The following OR2L13 variants were observed in gnomAD, a reference collection of about 807,000 sequenced individuals.
OR2L13 encodes the protein olfactory receptor family 2 subfamily L member 13.
OR2L13 carries 14 observed loss-of-function variants against 15.3 expected under a neutral mutation model. The observed-to-expected ratio is 0.91, with a 90% CI of 0.60 to 1.43. OR2L13 has a LOEUF of 1.43. Among genes scored for constraint, OR2L13 ranks in the 40% most tolerant of loss-of-function variants. OR2L13 has a pLI of 0.00. For synonymous variants in OR2L13, 152 were observed against 142.9 expected (o/e 1.06, Z -0.45); for missense variants, 367 against 387.9 (o/e 0.95, Z 0.45).
At chr1:247,996,532 T>C in the OR2L13 span, among the ~76,000 whole-genome samples, 390 of 152,332 alleles carry the variant, frequency 2.6e-3, 2 homozygotes, top group African/African-American at 8.5e-3. Flanking sequence ...TGCTTTGTAC[T>C]GTAGAAGTGT....
chr1:248,096,830 G>T (rs1664751400), upstream of OR2L13, among the ~76,000 whole-genome samples: 1 of 152,148 alleles, frequency 6.6e-6, no homozygotes, highest in African/African-American at 2.4e-5. Context: ...TTTAGAATGA[G>T]AAAGAAAATA....
At chr1:248,068,384 A>T in the OR2L13 span, among the ~76,000 whole-genome samples, 1 of 152,212 alleles carries the variant, frequency 6.6e-6, no homozygotes, top group East Asian at 1.9e-4. Flanking sequence ...ACCCAGGCAA[A>T]CAGGGTCTGG....
the OR2L13 span, chr1:247,990,944 A>G: frequency 1.1e-5 from 16 of 1,469,424 alleles, no homozygotes; most frequent in African/African-American, 9.8e-5. Flanking sequence ...GCTGTCTACC[A>G]CATGCACTCT....
chr1:248,034,769 ATTG>A, the OR2L13 span, among the ~76,000 whole-genome samples: 1 of 152,056 alleles, frequency 6.6e-6, no homozygotes, highest in African/African-American at 2.4e-5. Flanking sequence ...TCATTTTTAG[ATTG>A]TTTATTGTTA....
chr1:247,989,057 A>C, the OR2L13 span, among the ~76,000 whole-genome samples: 1 of 152,142 alleles, frequency 6.6e-6, no homozygotes, highest in African/African-American at 2.4e-5. Context: ...TGAACTTGGC[A>C]TATAGATATT....
chr1:248,018,246 CTAT>C, the OR2L13 span, among the ~76,000 whole-genome samples: 1 of 152,036 alleles, frequency 6.6e-6, no homozygotes, highest in Non-Finnish European at 1.5e-5. Context: ...GATGTGCCGT[CTAT>C]TATTCTGTCC....
At chr1:248,048,706 C>T in the OR2L13 span, among the ~76,000 whole-genome samples, 13 of 152,170 alleles carry the variant, frequency 8.5e-5, no homozygotes, top group South Asian at 1.0e-3. Context: ...GTGCAAGTAA[C>T]GGAGATCAGT....
the OR2L13 span, among the ~76,000 whole-genome samples, chr1:248,066,484 T>C: frequency 1.3e-5 from 2 of 152,164 alleles, no homozygotes; most frequent in Non-Finnish European, 2.9e-5. Flanking sequence ...ACAGATGAAA[T>C]ATCTTATCAA....
the OR2L13 span, among the ~76,000 whole-genome samples, chr1:248,026,953 G>T: frequency 1.8e-3 from 267 of 152,268 alleles, no homozygotes; most frequent in African/African-American, 6.3e-3. Flanking sequence ...CTTGAAAAAA[G>T]AACAGGATAA....
At chr1:248,060,681 C>CA in the OR2L13 span, 1 of 1,609,106 alleles carries the variant, frequency 6.2e-7, no homozygotes, top group Non-Finnish European at 8.5e-7. Context: ...ACGAATGCCC[C>CA]ATGGAAAATT....
chr1:247,989,021 C>T, the OR2L13 span, among the ~76,000 whole-genome samples: 4 of 151,890 alleles, frequency 2.6e-5, no homozygotes, highest in Non-Finnish European at 5.9e-5. Flanking sequence ...TTGGGGAGAG[C>T]GTGAACAGAG....
At chr1:248,079,705 T>A in the OR2L13 span, among the ~76,000 whole-genome samples, 9 of 152,196 alleles carry the variant, frequency 5.9e-5, no homozygotes, top group Admixed American at 2.0e-4. Flanking sequence ...GCCTTTTCAA[T>A]AAATGATGCT....
At chr1:247,979,163 C>T in the OR2L13 span, among the ~76,000 whole-genome samples, 20,051 of 151,972 alleles carry the variant, frequency 0.13, 2,127 homozygotes, top group African/African-American at 0.3. Context: ...AATGTGGCAT[C>T]TTCTTTTATA....
chr1:247,961,418 G>T, the OR2L13 span, among the ~76,000 whole-genome samples: 1 of 152,198 alleles, frequency 6.6e-6, no homozygotes, highest in Non-Finnish European at 1.5e-5. Flanking sequence ...GAGGCAGATA[G>T]ATGAGAAAGG....
chr1:248,088,289 G>C, the OR2L13 span, among the ~76,000 whole-genome samples: 1 of 151,692 alleles, frequency 6.6e-6, no homozygotes, highest in Non-Finnish European at 1.5e-5. Flanking sequence ...GGTGAATTTC[G>C]ACTATTTTGA....
At chr1:247,970,745 A>T in the OR2L13 span, among the ~76,000 whole-genome samples, 1 of 152,188 alleles carries the variant, frequency 6.6e-6, no homozygotes, top group Non-Finnish European at 1.5e-5. Flanking sequence ...CTTGTAGAAG[A>T]GTTACTCACG....
the OR2L13 span, among the ~76,000 whole-genome samples, chr1:248,033,423 TTTC>T: frequency 6.6e-6 from 1 of 152,000 alleles, no homozygotes; most frequent in East Asian, 1.9e-4. Flanking sequence ...CTGTTTTCTA[TTTC>T]TTCTTCTTCT....
At chr1:247,973,390 AC>A in the OR2L13 span, among the ~76,000 whole-genome samples, 1 of 152,094 alleles carries the variant, frequency 6.6e-6, no homozygotes, top group African/African-American at 2.4e-5. Context: ...CATCATCTCC[AC>A]CCAAAAACTC....
At chr1:248,022,799 C>G in the OR2L13 span, 2 of 1,613,924 alleles carry the variant, frequency 1.2e-6, no homozygotes, top group Non-Finnish European at 1.7e-6. Flanking sequence ...CCCCAATGCT[C>G]AACCCCATCA....
Sources: allele counts gnomAD v4.1 joint callset (sites outside exome capture counted in the v4.1 genomes callset), GRCh38; gene constraint gnomAD v4.1.1; transcripts MANE v1.5; gene names NCBI Gene and HGNC (gene_info 2026-07-23, HGNC 2026-07-21).